Variants in DHRSX observed in about 807,000 individuals in gnomAD.
DHRSX encodes polyprenol dehydrogenase.
Under a neutral mutation model 34.0 loss-of-function variants are expected in DHRSX, and 31 were observed. That is an observed-to-expected ratio of 0.91 (90% CI 0.69 to 1.23). DHRSX has a LOEUF of 1.23. Among genes scored for constraint, DHRSX ranks in the 50% most tolerant of loss-of-function variants. The probability of loss-of-function intolerance (pLI) is 0.00; values close to 1 mark genes in which losing one functional copy is unlikely to be tolerated. For synonymous variants in DHRSX, 201 were observed against 183.8 expected (o/e 1.09, Z -0.76); for missense variants, 414 against 428.1 (o/e 0.97, Z 0.29).
At chrX:2,448,965 G>A (rs2044178837) in intron 1 of DHRSX, among the ~76,000 whole-genome samples, 1 of 152,134 alleles carries the variant, frequency 6.6e-6, no homozygotes, top group African/African-American at 2.4e-5. Context: ...GAGGCGGGTG[G>A]ATCACCTGAG....
At chrX:2,385,124 GTGTGTGTGTGTGTATGTGTATATATA>G (rs1209978014) in intron 3 of DHRSX, among the ~76,000 whole-genome samples, 3 of 132,374 alleles carry the variant, frequency 2.3e-5, no homozygotes, top group Non-Finnish European at 4.9e-5. Context: ...GTGTGTGTGT[GTGTGTGTGTGTGTATGTGTATATATA>G]TGTGTGTGTG....
chrX:2,331,417 C>T (rs2042470900), intron 3 of DHRSX, among the ~76,000 whole-genome samples: 1 of 141,006 alleles, frequency 7.1e-6, no homozygotes, highest in African/African-American at 2.6e-5. Flanking sequence ...ATGAGGAATC[C>T]TTTCAGGAAG....
At chrX:2,483,370 C>T (rs1442053122) in intron 1 of DHRSX, among the ~76,000 whole-genome samples, 2 of 152,022 alleles carry the variant, frequency 1.3e-5, no homozygotes, top group Non-Finnish European at 2.9e-5. Context: ...CTCAAGTGAT[C>T]CTCCCACCTT....
intron 5 of DHRSX, among the ~76,000 whole-genome samples, chrX:2,259,032 T>C (rs1452518446): frequency 7.2e-5 from 11 of 152,220 alleles, no homozygotes; most frequent in Non-Finnish European, 4.4e-5. Flanking sequence ...CCCAGCACTT[T>C]GGGAGGCCGA....
At chrX:2,323,704 A>G (rs1462540915) in intron 3 of DHRSX, among the ~76,000 whole-genome samples, 3 of 152,158 alleles carry the variant, frequency 2.0e-5, no homozygotes, top group Admixed American at 6.6e-5. Context: ...GGGAGGCTGA[A>G]GCTGTCGTGA....
At chrX:2,243,334 A>T in intron 5 of DHRSX, 104 bp from the exon 6 acceptor site, 1 of 953,880 alleles carries the variant, frequency 1.0e-6, no homozygotes, top group Non-Finnish European at 1.6e-6. Flanking sequence ...GTCTATACGC[A>T]GCCACCTCCC....
At chrX:2,417,002 C>T (rs1230605261) in intron 2 of DHRSX, among the ~76,000 whole-genome samples, 1 of 152,068 alleles carries the variant, frequency 6.6e-6, no homozygotes, top group Non-Finnish European at 1.5e-5. Flanking sequence ...ATGCCTCTCT[C>T]AGAATATATC....
chrX:2,404,846 C>T (rs1270093830), intron 3 of DHRSX, among the ~76,000 whole-genome samples: 1 of 152,180 alleles, frequency 6.6e-6, no homozygotes, highest in Non-Finnish European at 1.5e-5. Context: ...AATAATTCCT[C>T]CTCAACCCCT....
chrX:2,458,210 T>G (rs2044339217), intron 1 of DHRSX, among the ~76,000 whole-genome samples: 1 of 152,040 alleles, frequency 6.6e-6, no homozygotes. Context: ...AGACGTTCCC[T>G]AAGAATGTGG....
chrX:2,237,870 C>T (rs1290901591), intron 6 of DHRSX, among the ~76,000 whole-genome samples: 2 of 152,036 alleles, frequency 1.3e-5, no homozygotes, highest in African/African-American at 4.8e-5. Context: ...GTAATAGCCA[C>T]GTTCATTTGC....
chrX:2,485,523 G>C (rs919414742), intron 1 of DHRSX, among the ~76,000 whole-genome samples: 17 of 142,440 alleles, frequency 1.2e-4, no homozygotes, highest in Admixed American at 3.6e-4. Flanking sequence ...GAAAACGAAA[G>C]AGGAAGGGAG....
intron 3 of DHRSX, among the ~76,000 whole-genome samples, chrX:2,305,491 T>C (rs1476863067): frequency 6.6e-6 from 1 of 152,076 alleles, no homozygotes; most frequent in Non-Finnish European, 1.5e-5. Context: ...CATGACTGGG[T>C]ATATACCCAA....
intron 4 of DHRSX, among the ~76,000 whole-genome samples, chrX:2,285,487 C>G (rs1478017394): frequency 6.6e-6 from 1 of 152,192 alleles, no homozygotes; most frequent in African/African-American, 2.4e-5. Flanking sequence ...TGCTGCTGAT[C>G]TGACAGGAGG....
At chrX:2,318,916 A>G (rs1187807794) in intron 3 of DHRSX, among the ~76,000 whole-genome samples, 1 of 152,080 alleles carries the variant, frequency 6.6e-6, no homozygotes. Flanking sequence ...ACCCCTTTCC[A>G]GTAAACAACG....
chrX:2,394,184 C>G (rs1289585239), intron 3 of DHRSX, among the ~76,000 whole-genome samples: 3 of 152,292 alleles, frequency 2.0e-5, no homozygotes, highest in Non-Finnish European at 2.9e-5. Context: ...TCTGAGCAGA[C>G]AGGGCGCCGG....
intron 5 of DHRSX, among the ~76,000 whole-genome samples, chrX:2,247,963 C>CT (rs1247067758): frequency 2.0e-5 from 3 of 152,004 alleles, no homozygotes; most frequent in African/African-American, 7.2e-5. Context: ...AAATAGGACT[C>CT]TAAGTTTCCC....
rs1408413477 is a variant in DHRSX at position 2,367,060 on chromosome X, C to T, written c.286+41685G>A. On this transcript the variant is annotated intron_variant, in intron 3 of 6. Transcript: ENST00000334651. ...CCCAGGCTTCAGTTAAGCCATTCCC[C>T]ATCAGGAAGATATAGGGCCCCCTTT... Among the ~76,000 whole-genome samples, 7 of 152,094 alleles carry T rather than the reference C, an allele frequency of 4.6e-5. No individual in the cohort carries two copies. In the East Asian group the frequency reaches 1.2e-3, roughly 25 times the overall value.
chrX:2,490,808 G>C (rs1161038781), intron 1 of DHRSX: 5 of 1,529,576 alleles, frequency 3.3e-6, no homozygotes, highest in East Asian at 4.5e-5. Context: ...CATGAGAAGG[G>C]ACCCAGGCAC....
chrX:2,464,218 T>A (rs2044447548), intron 1 of DHRSX, among the ~76,000 whole-genome samples: 3 of 147,516 alleles, frequency 2.0e-5, no homozygotes, highest in Admixed American at 1.4e-4. Flanking sequence ...GTGTACACAC[T>A]TAAGACATTC....
Sources: gnomAD v4.1 joint callset for allele counts (sites outside exome capture counted in the v4.1 genomes callset) on GRCh38, gnomAD v4.1.1 for gene constraint, MANE v1.5 for transcripts, NCBI Gene and HGNC (gene_info 2026-07-23, HGNC 2026-07-21) for gene names.